The following MEAK7 variants were observed in gnomAD, a reference collection of about 807,000 sequenced individuals.
The protein encoded by MEAK7 is MTOR associated protein MEAK7, also known as MTOR-associated protein MEAK7.
Under a neutral mutation model 40.5 loss-of-function variants are expected in MEAK7, and 68 were observed. The observed-to-expected ratio is 1.68, with a 90% CI of 1.38 to 2.06. The LOEUF (loss-of-function observed/expected upper bound fraction) is 2.06. Among genes scored for constraint, MEAK7 ranks in the 30% most tolerant of loss-of-function variants. The pLI is 0.00. For synonymous variants in MEAK7, 338 were observed against 231.9 expected (o/e 1.46, Z -4.16); for missense variants, 918 against 580.5 (o/e 1.58, Z -5.98).
Position 84,478,397 on chromosome 16 carries a change from T to G in MEAK7, c.*1516A>C, listed in dbSNP as rs547707543. ...CAGGGCTATTGCTAAGTGGAAGGTT[T>G]GATGAACCTCCCAGTAGAAAATGCA... On this transcript the variant is annotated 3_prime_UTR_variant, in exon 8 of 8. Transcript: ENST00000343629. 1.3e-5 allele frequency: 2 copies of G among 152,336 alleles called. No homozygotes were observed. The highest frequency in any genetic ancestry group is 4.1e-4 in the South Asian group (2 of 4,834). The allele number at this position is 152,336 out of a possible 1,614,324, so 9.4% of individuals were successfully genotyped here.
chr16:84,489,255 T>G (rs1252043834), intron 4 of MEAK7, 23 bp downstream of exon 4: 1 of 1,611,552 alleles, frequency 6.2e-7, no homozygotes, highest in Admixed American at 1.7e-5. Context: ...AAGACCTGCA[T>G]CACCGCGTCC....
In MEAK7 at chr16:84,496,427, C is replaced by T. The variant is rs542473531; in HGVS notation, c.154-514G>A. On this transcript the variant is annotated intron_variant, in intron 2 of 7. Coordinates refer to ENST00000343629, the MANE Select transcript of MEAK7 (RefSeq NM_020947.4). ...TTGGCTTTGGAGCTACCCCTCCCTC[C>T]GTCTCTGTACAGGGGAGCCTCTTCC... is the stretch of plus-strand genomic sequence containing the variant. Among the ~76,000 whole-genome samples the T allele has an allele frequency of 5.3e-5, 8 of 152,258 alleles. No homozygotes were observed. In the East Asian group the frequency reaches 1.2e-3, roughly 22 times the overall value.
intron 4 of MEAK7, 56 bp downstream of exon 4, chr16:84,489,222 C>G: frequency 6.3e-7 from 1 of 1,587,616 alleles, no homozygotes; most frequent in South Asian, 1.1e-5. Context: ...GTAATGGAGA[C>G]AGCAGGTACC....
Position 84,487,063 on chromosome 16 carries a change from G to C in MEAK7, c.530-4C>G, listed in dbSNP as rs1316131408. On this transcript the variant is annotated splice_region_variant and splice_polypyrimidine_tract_variant and intron_variant, in intron 4 of 7. Transcript: ENST00000343629. The stretch of plus-strand genomic sequence containing the variant: ...GGCCCCAGAAGTCTCTTGCCATCTA[G>C]GGGAAGGGGATGGTCAGCATTAGTG... The C allele has an allele frequency of 6.8e-6, 11 of 1,607,356 alleles. No individual in the cohort carries two copies. The highest frequency in any genetic ancestry group is 8.5e-6 in the Non-Finnish European group (10 of 1,176,728).
chr16:84,477,891 G>C lies in MEAK7; in HGVS notation c.*2022C>G, dbSNP rs1912185509. 6.6e-6 allele frequency: 1 copy of C among 152,082 alleles called. No homozygotes were observed. Among genetic ancestry groups the C allele is most frequent in the African/African-American group, 2.4e-5 (1 of 41,400 alleles). 9.4% of individuals were successfully genotyped at this position (152,082 alleles called of 1,614,324 possible). On this transcript the variant is annotated 3_prime_UTR_variant, in exon 8 of 8. Transcript: ENST00000343629. ...GCCCGGGCCAGTGACCTTTCTCTAA[G>C]TGCACTGCCTGGAAGCAGGTGCATT... is the stretch of plus-strand genomic sequence containing the variant.
chr16:84,491,903 C>T (rs1450243623), intron 3 of MEAK7, among the ~76,000 whole-genome samples: 1 of 151,732 alleles, frequency 6.6e-6, no homozygotes, highest in Admixed American at 6.6e-5. Flanking sequence ...GTTATCATAT[C>T]CATGTAACAT....
rs1316884919 is a variant in MEAK7, at chr16:84,476,816, AG to A, written c.*3096del. 3.9e-5 allele frequency: 6 copies of A among 152,222 alleles called. No individual in the cohort carries two copies. Among genetic ancestry groups the A allele is most frequent in the Admixed American group, 3.9e-4 (6 of 15,280 alleles). The allele number at this position is 152,222 out of a possible 1,614,324, so 9.4% of individuals were successfully genotyped here. On this transcript the variant is annotated 3_prime_UTR_variant, in exon 8 of 8. Coordinates refer to ENST00000343629, the MANE Select transcript of MEAK7 (RefSeq NM_020947.4). ...TGCATCAGTGCCTTTGCCTGTCAGGAGGGAAAATAGCTGGAGAAGAGGCAGG... is the reference window on the plus strand; with the variant it reads ...TGCATCAGTGCCTTTGCCTGTCAGGAGGAAAATAGCTGGAGAAGAGGCAGG...
chr16:84,499,710 G>A (rs1418066425), intron 1 of MEAK7, among the ~76,000 whole-genome samples: 1 of 152,096 alleles, frequency 6.6e-6, no homozygotes, highest in African/African-American at 2.4e-5. Flanking sequence ...TTTCTGTCCT[G>A]ATGCATTTCT....
In MEAK7 at chr16:84,490,717, T is replaced by G. The variant is rs537758057; in HGVS notation, c.385-1295A>C. Among the ~76,000 whole-genome samples the G allele has an allele frequency of 4.0e-3, 581 of 146,026 alleles. 1 individual carries two copies. The highest frequency in any genetic ancestry group is 6.9e-3 in the Non-Finnish European group (462 of 66,670). ...GTGTATTTAAAGGGACATAATGCCTTTTTGTCTCTCCTAGGGTCTTGTTTT... is the reference window on the plus strand; with the variant it reads ...GTGTATTTAAAGGGACATAATGCCTGTTTGTCTCTCCTAGGGTCTTGTTTT... On this transcript the variant is annotated intron_variant, in intron 3 of 7. Coordinates refer to ENST00000343629, the MANE Select transcript of MEAK7 (RefSeq NM_020947.4).
intron 6 of MEAK7, among the ~76,000 whole-genome samples, chr16:84,481,973 C>T (rs1912594505): frequency 6.6e-6 from 1 of 152,086 alleles, no homozygotes; most frequent in African/African-American, 2.4e-5. Context: ...TGTCAAGCAG[C>T]AGAGGAAAGA....
At position 84,478,836 on chromosome 16, in the gene MEAK7, C is replaced by A; in HGVS notation, c.*1077G>T. 1 of 152,312 alleles carries A rather than the reference C, an allele frequency of 6.6e-6. No homozygotes were observed. The allele number at this position is 152,312 out of a possible 1,614,324, so 9.4% of individuals were successfully genotyped here. ...CCCAGAGATCTAGAACCCAGGCCAG[C>A]ACCGAGGCCTAGACAGCTGTGACTC... On this transcript the variant is annotated 3_prime_UTR_variant, in exon 8 of 8. Transcript: ENST00000343629.
At chr16:84,482,862 G>C (rs1212061174) in intron 5 of MEAK7, 152 bp from the exon 6 acceptor site, 4 of 1,174,936 alleles carry the variant, frequency 3.4e-6, no homozygotes, top group Non-Finnish European at 4.8e-6. Flanking sequence ...TTTGGGACAA[G>C]CTGCTAGGGA....
At chr16:84,501,788 A>G (rs1914526235) in intron 1 of MEAK7, among the ~76,000 whole-genome samples, 1 of 152,172 alleles carries the variant, frequency 6.6e-6, no homozygotes, top group Admixed American at 6.5e-5. Context: ...GTGCTGGTGA[A>G]GGGACACGTC....
intron 3 of MEAK7, among the ~76,000 whole-genome samples, chr16:84,495,121 C>A (rs574066122): frequency 2.6e-5 from 4 of 151,972 alleles, no homozygotes; most frequent in Admixed American, 2.0e-4. Flanking sequence ...ATACAAAAAT[C>A]GGCCAGGCAC....
chr16:84,501,194 G>A (rs906715541), intron 1 of MEAK7, among the ~76,000 whole-genome samples: 7 of 151,532 alleles, frequency 4.6e-5, no homozygotes, highest in Admixed American at 3.3e-4. Flanking sequence ...AGTGAAGAGT[G>A]GAAAAGGTCC....
chr16:84,484,052 C>T (rs1912818413), intron 5 of MEAK7, among the ~76,000 whole-genome samples: 2 of 152,196 alleles, frequency 1.3e-5, no homozygotes, highest in African/African-American at 2.4e-5. Context: ...CCCCGCCCCG[C>T]TCTCCCCGAC....
chr16:84,485,428 C>G (rs890890052), intron 5 of MEAK7, among the ~76,000 whole-genome samples: 2 of 152,226 alleles, frequency 1.3e-5, no homozygotes, highest in East Asian at 1.9e-4. Context: ...GCTGAAAGCT[C>G]TCCTGCAAGG....
intron 1 of MEAK7, among the ~76,000 whole-genome samples, chr16:84,501,105 G>GAAAAAAAAAAA (rs35447624): frequency 6.8e-5 from 7 of 103,638 alleles, no homozygotes; most frequent in Non-Finnish European, 1.1e-4. Flanking sequence ...AAAAAAAAAA[G>GAAAAAAAAAAA]AAAAAAAAAA....
chr16:84,488,242 T>A (rs866817182), intron 4 of MEAK7: 21 of 152,320 alleles, frequency 1.4e-4, no homozygotes, highest in Non-Finnish European at 2.9e-4. Flanking sequence ...GGATGAACAG[T>A]TTACCCATAA....
Sources: allele counts gnomAD v4.1 joint callset (sites outside exome capture counted in the v4.1 genomes callset), GRCh38; gene constraint gnomAD v4.1.1; transcripts MANE v1.5; gene names NCBI Gene and HGNC (gene_info 2026-07-23, HGNC 2026-07-21).